SORCS2: variants seen among roughly 807,000 people sequenced by gnomAD.
SORCS2 encodes VPS10 domain-containing receptor SorCS2.
Under a neutral mutation model 141.6 loss-of-function variants are expected in SORCS2, and 100 were observed. The observed-to-expected ratio is 0.71, with a 90% CI of 0.60 to 0.83. The LOEUF is 0.83. Ranked by LOEUF, SORCS2 falls within the 40% of genes least tolerant of loss-of-function variation. The pLI, the probability that SORCS2 is intolerant of heterozygous loss-of-function variation, is 0.00. For missense variants in SORCS2, 1,646 were observed against 1,560.2 expected, an observed-to-expected ratio of 1.05 and a Z score of -0.93; for synonymous variants, 789 against 676.9, an observed-to-expected ratio of 1.17 and a Z score of -2.57.
At chr4:7,231,515 G>GTCCA (rs1033388524) in intron 1 of SORCS2, among the ~76,000 whole-genome samples, 12 of 152,170 alleles carry the variant, frequency 7.9e-5, no homozygotes, top group South Asian at 6.2e-4. Flanking sequence ...GTCTGCATCT[G>GTCCA]TCCATCCATC....
intron 1 of SORCS2, among the ~76,000 whole-genome samples, chr4:7,296,753 C>A (rs997419761): frequency 3.3e-5 from 5 of 152,198 alleles, no homozygotes; most frequent in African/African-American, 1.2e-4. Flanking sequence ...CTGTTCTTTG[C>A]AGGTCAGCAG....
intron 5 of SORCS2, 78 bp from the exon 6 acceptor site, chr4:7,661,422 G>A: frequency 6.7e-7 from 1 of 1,482,050 alleles, no homozygotes; most frequent in Non-Finnish European, 9.2e-7. Context: ...CCACGTGGCT[G>A]CAGGGAGTGT....
chr4:7,462,529 T>A (rs1490708570), intron 2 of SORCS2, among the ~76,000 whole-genome samples: 1 of 152,122 alleles, frequency 6.6e-6, no homozygotes, highest in East Asian at 1.9e-4. Context: ...ACGTTGGCTC[T>A]AAAGCCTGGA....
At chr4:7,317,738 T>C (rs1718654030) in intron 1 of SORCS2, among the ~76,000 whole-genome samples, 1 of 152,172 alleles carries the variant, frequency 6.6e-6, no homozygotes, top group African/African-American at 2.4e-5. Context: ...ACATGTGAAT[T>C]TCACCCATAT....
At chr4:7,732,383 G>A (rs537967696) in intron 23 of SORCS2, among the ~76,000 whole-genome samples, 1 of 152,270 alleles carries the variant, frequency 6.6e-6, no homozygotes, top group East Asian at 1.9e-4. Context: ...GAGAGGGGCC[G>A]GGAGGGAGTG....
chr4:7,545,040 C>G (rs867286588), intron 3 of SORCS2, among the ~76,000 whole-genome samples: 1 of 151,974 alleles, frequency 6.6e-6, no homozygotes, highest in African/African-American at 2.4e-5. Flanking sequence ...GTATACAGAG[C>G]TTTTGTCTCA....
At chr4:7,312,794 A>G (rs1718267171) in intron 1 of SORCS2, among the ~76,000 whole-genome samples, 1 of 152,168 alleles carries the variant, frequency 6.6e-6, no homozygotes, top group Admixed American at 6.5e-5. Context: ...GTTCAGGAGG[A>G]GGTCCCCAGC....
At position 7,265,698 on chromosome 4, in the gene SORCS2, C is replaced by T. The variant is rs79538351; in HGVS notation, c.480+72572C>T. Among the ~76,000 whole-genome samples, 195 of 152,272 alleles carry T rather than the reference C, an allele frequency of 1.3e-3. 3 individuals are homozygous for T. The East Asian group carries it at 0.021, about 16-fold the overall frequency. ...AGACATTCATCGCTGGCTTTAGGGC[C>T]GCCCAGTGTAATCCAGTGTGAGCTC... is the stretch of plus-strand genomic sequence containing the variant. On this transcript the variant is annotated intron_variant, in intron 1 of 26. Transcript: ENST00000507866.
At chr4:7,265,967 C>T (rs980363043) in intron 1 of SORCS2, among the ~76,000 whole-genome samples, 1 of 152,162 alleles carries the variant, frequency 6.6e-6, no homozygotes, top group Non-Finnish European at 1.5e-5. Context: ...GGCTCATCCT[C>T]CTCCACTTCC....
intron 2 of SORCS2, among the ~76,000 whole-genome samples, chr4:7,513,933 C>T (rs751922574): frequency 5.3e-5 from 8 of 152,134 alleles, no homozygotes; most frequent in South Asian, 4.1e-4. Context: ...GTGACGTGGT[C>T]GTGCAGAGAC....
intron 18 of SORCS2, 128 bp downstream of exon 18, chr4:7,718,311 C>A: frequency 2.8e-6 from 3 of 1,054,922 alleles, no homozygotes; most frequent in South Asian, 1.6e-5. Context: ...CATCAGCCAG[C>A]CTGTCCAGAC....
At chr4:7,275,868 T>C (rs1715466478) in intron 1 of SORCS2, among the ~76,000 whole-genome samples, 1 of 152,136 alleles carries the variant, frequency 6.6e-6, no homozygotes, top group Admixed American at 6.5e-5. Flanking sequence ...CATTCATTCA[T>C]CAAATTTATA....
intron 8 of SORCS2, among the ~76,000 whole-genome samples, chr4:7,668,406 G>C (rs112289446): frequency 2.6e-5 from 4 of 152,178 alleles, no homozygotes; most frequent in Non-Finnish European, 5.9e-5. Context: ...GCTCCAAGAA[G>C]AGCAAGGGAG....
intron 2 of SORCS2, among the ~76,000 whole-genome samples, chr4:7,526,036 A>AGT (rs1733677044): frequency 7.2e-6 from 1 of 138,810 alleles, no homozygotes; most frequent in African/African-American, 2.8e-5. Flanking sequence ...TCCCCTCCTC[A>AGT]CACCTGTCTC....
chr4:7,200,207 G>A (rs528831743), intron 1 of SORCS2, among the ~76,000 whole-genome samples: 2 of 152,260 alleles, frequency 1.3e-5, no homozygotes, highest in South Asian at 2.1e-4. Context: ...ACCAGGGGCC[G>A]ACTGAGGGGT....
At chr4:7,343,707 C>G (rs1035906930) in intron 1 of SORCS2, among the ~76,000 whole-genome samples, 12 of 152,340 alleles carry the variant, frequency 7.9e-5, no homozygotes, top group African/African-American at 2.9e-4. Context: ...CAAGAGGAAG[C>G]ACTGTGGCAG....
intron 1 of SORCS2, among the ~76,000 whole-genome samples, chr4:7,278,639 C>G (rs1715668309): frequency 6.6e-6 from 1 of 152,180 alleles, no homozygotes; most frequent in South Asian, 2.1e-4. Context: ...CAGCAGGTGT[C>G]TCTGAGCGCC....
Position 7,727,767 on chromosome 4 carries a change from G to A in SORCS2, c.2870-583G>A, listed in dbSNP as rs187022869. 3.2e-3 allele frequency among the ~76,000 whole-genome samples: 485 copies of A among 152,322 alleles called. 1 individual carries two copies. The highest frequency in any genetic ancestry group is 6.0e-3 in the Non-Finnish European group (405 of 68,030). The stretch of plus-strand genomic sequence containing the variant: ...CCACTTTACATGTGAGAAAACTGAG[G>A]CCTGAGAAGTGGAGAGGTTAAAGTT... On this transcript the variant is annotated intron_variant, in intron 21 of 26. Transcript: ENST00000507866.
chr4:7,604,674 G>C (rs540318592), intron 3 of SORCS2, among the ~76,000 whole-genome samples: 2 of 152,340 alleles, frequency 1.3e-5, no homozygotes, highest in African/African-American at 4.8e-5. Flanking sequence ...TGTGAAGAAG[G>C]TGCCTGCTTC....
Sources: gnomAD v4.1 joint callset for allele counts (sites outside exome capture counted in the v4.1 genomes callset) on GRCh38, gnomAD v4.1.1 for gene constraint, MANE v1.5 for transcripts, NCBI Gene and HGNC (gene_info 2026-07-23, HGNC 2026-07-21) for gene names.